Variants in NOP58 observed in about 807,000 individuals in gnomAD.
NOP58 encodes the protein NOP58 ribonucleoprotein.
NOP58 carries 44 observed loss-of-function variants against 71.2 expected under a neutral mutation model. The ratio of observed to expected loss-of-function variants is 0.62; its 90% CI spans 0.49 to 0.79. NOP58 has a LOEUF of 0.79. Among genes scored for constraint, NOP58 ranks in the 30% least tolerant of loss-of-function variants. The pLI is 0.00. For synonymous variants in NOP58, 228 were observed against 200.3 expected, an observed-to-expected ratio of 1.14 and a Z score of -1.17; for missense variants, 538 against 620.2, an observed-to-expected ratio of 0.87 and a Z score of 1.41.
At chr2:202,278,855 G>C (rs765568718) in intron 3 of NOP58, among the ~76,000 whole-genome samples, 21 of 152,044 alleles carry the variant, frequency 1.4e-4, no homozygotes, top group Admixed American at 2.6e-4. Context: ...CTGAAAATTT[G>C]GAATCCAACT....
At chr2:202,290,492 G>A in intron 7 of NOP58, 35 bp downstream of exon 7, 2 of 1,565,596 alleles carry the variant, frequency 1.3e-6, no homozygotes, top group Non-Finnish European at 1.7e-6. Flanking sequence ...GGCATTGAAA[G>A]TAAATGAATT....
chr2:202,278,396 C>G (rs1381557923), intron 3 of NOP58: 1 of 396,706 alleles, frequency 2.5e-6, no homozygotes, highest in Non-Finnish European at 5.1e-6. Context: ...ATCCTGAGAA[C>G]AGCCAGGATT....
At chr2:202,268,362 G>A (rs1315423084) in intron 1 of NOP58, among the ~76,000 whole-genome samples, 4 of 151,872 alleles carry the variant, frequency 2.6e-5, no homozygotes, top group East Asian at 3.9e-4. Flanking sequence ...GTGAAACCCC[G>A]TCTCTACTAA....
At chr2:202,286,209 A>G (rs1224583739) in intron 5 of NOP58, among the ~76,000 whole-genome samples, 7 of 147,986 alleles carry the variant, frequency 4.7e-5, no homozygotes, top group South Asian at 4.3e-4. Flanking sequence ...AGGGAGAAAG[A>G]AACACTATAG....
chr2:202,295,628 T>C (rs1688975934), intron 9 of NOP58, 46 bp from the exon 10 acceptor site: 2 of 1,412,640 alleles, frequency 1.4e-6, no homozygotes, highest in African/African-American at 2.9e-5. Flanking sequence ...ACGTGGAACA[T>C]TCATATATTT....
At chr2:202,268,888 G>A (rs1688468306) in intron 1 of NOP58, among the ~76,000 whole-genome samples, 2 of 152,108 alleles carry the variant, frequency 1.3e-5, no homozygotes, top group Non-Finnish European at 2.9e-5. Flanking sequence ...GATTACAGGC[G>A]TGAGCCACTG....
intron 8 of NOP58, among the ~76,000 whole-genome samples, chr2:202,291,707 T>G (rs994334924): frequency 6.9e-6 from 1 of 144,486 alleles, no homozygotes; most frequent in Non-Finnish European, 1.5e-5. Flanking sequence ...CTCGGGAGGC[T>G]GAGACAGGAG....
intron 8 of NOP58, 74 bp downstream of exon 8, chr2:202,291,344 T>A: frequency 8.8e-7 from 1 of 1,135,326 alleles, no homozygotes; most frequent in Non-Finnish European, 1.2e-6. Flanking sequence ...ATGGCAATGA[T>A]GATTTTTACA....
At chr2:202,297,186 T>C (rs1443053273) in intron 10 of NOP58, among the ~76,000 whole-genome samples, 193 bp from the exon 11 acceptor site, 1 of 152,210 alleles carries the variant, frequency 6.6e-6, no homozygotes, top group Non-Finnish European at 1.5e-5. Context: ...CATGAATTGC[T>C]GTAAAATCTT....
At chr2:202,303,324 A>G (rs2105860550) in intron 14 of NOP58, 62 bp from the exon 15 acceptor site, 1 of 1,592,422 alleles carries the variant, frequency 6.3e-7, no homozygotes, top group Middle Eastern at 1.7e-4. Context: ...TTATATTTTC[A>G]ATGTGATTAC....
intron 3 of NOP58, 61 bp from the exon 4 acceptor site, chr2:202,282,290 G>GC (rs1688718255): frequency 6.8e-7 from 1 of 1,466,942 alleles, no homozygotes; most frequent in Non-Finnish European, 9.2e-7. Flanking sequence ...GTCAACTAGG[G>GC]CAAGGTCTCA....
intron 1 of NOP58, among the ~76,000 whole-genome samples, chr2:202,266,709 G>T (rs1173002483): frequency 6.6e-6 from 1 of 152,196 alleles, no homozygotes; most frequent in African/African-American, 2.4e-5. Context: ...GATAAGAACG[G>T]CAGCAAGAAT....
At chr2:202,269,434 G>A (rs1688477800) in intron 1 of NOP58, among the ~76,000 whole-genome samples, 2 of 151,554 alleles carry the variant, frequency 1.3e-5, no homozygotes, top group Admixed American at 1.3e-4. Context: ...ACAGCCATGA[G>A]GTACGGTGTT....
intron 14 of NOP58, 46 bp downstream of exon 14, chr2:202,303,103 C>G: frequency 1.3e-6 from 2 of 1,562,076 alleles, no homozygotes; most frequent in Non-Finnish European, 1.7e-6. Context: ...GGGGCCAGTT[C>G]TCTATATTTC....
At chr2:202,274,717 G>T (rs1342918990) in intron 1 of NOP58, among the ~76,000 whole-genome samples, 1 of 151,922 alleles carries the variant, frequency 6.6e-6, no homozygotes, top group Non-Finnish European at 1.5e-5. Flanking sequence ...AGCCAGGATT[G>T]CTCCACTGCA....
intron 5 of NOP58, 95 bp from the exon 6 acceptor site, chr2:202,287,565 G>T: frequency 2.2e-6 from 2 of 896,752 alleles, no homozygotes; most frequent in Non-Finnish European, 3.6e-6. Context: ...AGGCTGATTT[G>T]AGTAAAAACA....
chr2:202,294,949 A>C (rs575611268), intron 9 of NOP58, among the ~76,000 whole-genome samples: 2 of 150,582 alleles, frequency 1.3e-5, no homozygotes, highest in South Asian at 4.2e-4. Context: ...TGCGCAACAG[A>C]GCGAAACTCT....
chr2:202,303,304 G>A (rs1689123830), intron 14 of NOP58, 82 bp from the exon 15 acceptor site: 2 of 1,570,074 alleles, frequency 1.3e-6, no homozygotes, highest in Middle Eastern at 3.4e-4. Context: ...TTTTTTTATA[G>A]GTGGGGTTTT....
In NOP58 at chr2:202,291,806, C is replaced by CAAAA. The variant is rs1161178890; in HGVS notation, c.780+556_780+559dup. ...GGGCAACAAGAGCAAAACTCCATCTCAAAAAAAAAAAAAAAAAAAAAAAGG... is the reference window on the plus strand; with the variant it reads ...GGGCAACAAGAGCAAAACTCCATCTCAAAAAAAAAAAAAAAAAAAAAAAAAAAGG... On this transcript the variant is annotated intron_variant, in intron 8 of 14. Coordinates refer to ENST00000264279, the MANE Select transcript of NOP58 (RefSeq NM_015934.5). Among the ~76,000 whole-genome samples the CAAAA allele has an allele frequency of 1.5e-3, 62 of 41,746 alleles. 1 individual carries two copies. Among genetic ancestry groups the CAAAA allele is most frequent in the African/African-American group, 2.7e-3 (25 of 9,204 alleles). The allele number at this position is 41,746 out of a possible 152,430, so 27.4% of individuals were successfully genotyped here. A position where few individuals can be genotyped will look rare whatever the true frequency, so the allele number is the denominator to read the frequency against.
Sources: allele counts gnomAD v4.1 joint callset (sites outside exome capture counted in the v4.1 genomes callset), GRCh38; gene constraint gnomAD v4.1.1; transcripts MANE v1.5; gene names NCBI Gene and HGNC (gene_info 2026-07-23, HGNC 2026-07-21).